QTMAN: variants seen among roughly 807,000 people sequenced by gnomAD.
The protein encoded by QTMAN is queuosine-tRNA mannosyltransferase, also known as tRNA-queuosine alpha-mannosyltransferase.
the QTMAN span, among the ~76,000 whole-genome samples, chr2:144,328,598 C>A: frequency 6.6e-6 from 1 of 152,236 alleles, no homozygotes; most frequent in South Asian, 2.1e-4. Flanking sequence ...TGACAGAGGT[C>A]TTAAAATATC....
the QTMAN span, among the ~76,000 whole-genome samples, chr2:144,103,265 G>A: frequency 6.6e-6 from 1 of 152,202 alleles, no homozygotes; most frequent in Admixed American, 6.5e-5. Context: ...GGAGACGTGG[G>A]GAATACAATG....
chr2:144,006,504 G>A, the QTMAN span: 1 of 152,076 alleles, frequency 6.6e-6, no homozygotes, highest in Non-Finnish European at 1.5e-5. Context: ...ATAAAAACTA[G>A]ATTAAAATGT....
the QTMAN span, among the ~76,000 whole-genome samples, chr2:144,277,747 G>C: frequency 1.3e-5 from 2 of 151,846 alleles, no homozygotes; most frequent in Non-Finnish European, 2.9e-5. Context: ...TCTATTTTAA[G>C]ATAAGATTTT....
the QTMAN span, among the ~76,000 whole-genome samples, chr2:144,331,132 T>A: frequency 1.3e-5 from 2 of 152,212 alleles, no homozygotes; most frequent in African/African-American, 4.8e-5. Flanking sequence ...TAAAACTGTT[T>A]CATTAAATAC....
the QTMAN span, chr2:143,941,072 G>A: frequency 6.6e-6 from 1 of 152,202 alleles, no homozygotes; most frequent in Non-Finnish European, 1.5e-5. Flanking sequence ...CCTTCTTGAA[G>A]AGGTGGTCTT....
At chr2:144,232,332 A>G in the QTMAN span, among the ~76,000 whole-genome samples, 1 of 152,202 alleles carries the variant, frequency 6.6e-6, no homozygotes, top group East Asian at 1.9e-4. Context: ...TAATAATTTT[A>G]AAGTGTTTTC....
the QTMAN span, among the ~76,000 whole-genome samples, chr2:144,277,971 T>C: frequency 1.3e-5 from 2 of 151,998 alleles, no homozygotes; most frequent in African/African-American, 2.4e-5. Context: ...GAAGCACTCC[T>C]AGGAAGCCAA....
chr2:144,140,634 G>A, the QTMAN span, among the ~76,000 whole-genome samples: 1 of 152,058 alleles, frequency 6.6e-6, no homozygotes, highest in African/African-American at 2.4e-5. Flanking sequence ...GCTCCACTTA[G>A]CTTTATAGTT....
At chr2:144,077,883 C>G in the QTMAN span, among the ~76,000 whole-genome samples, 3 of 152,066 alleles carry the variant, frequency 2.0e-5, no homozygotes, top group African/African-American at 7.2e-5. Flanking sequence ...TTTCTTTGAT[C>G]GTCTGCAATA....
the QTMAN span, among the ~76,000 whole-genome samples, chr2:144,174,624 C>G: frequency 6.6e-6 from 1 of 152,004 alleles, no homozygotes; most frequent in Admixed American, 6.6e-5. Flanking sequence ...TGGGAGGGAC[C>G]CAGTGGGAGG....
chr2:144,131,529 C>G, the QTMAN span, among the ~76,000 whole-genome samples: 2 of 151,948 alleles, frequency 1.3e-5, no homozygotes, highest in Non-Finnish European at 2.9e-5. Flanking sequence ...TGTAGTGTAA[C>G]AGTGGCTACC....
chr2:144,055,655 G>A, the QTMAN span, among the ~76,000 whole-genome samples: 1 of 152,264 alleles, frequency 6.6e-6, no homozygotes, highest in Non-Finnish European at 1.5e-5. Context: ...TTTAGCTAGA[G>A]GGGGCAGGAG....
At chr2:144,194,695 G>A in the QTMAN span, among the ~76,000 whole-genome samples, 1 of 152,184 alleles carries the variant, frequency 6.6e-6, no homozygotes, top group Non-Finnish European at 1.5e-5. Context: ...TTCTTGGTTA[G>A]ATGTGCTTAT....
the QTMAN span, among the ~76,000 whole-genome samples, chr2:144,304,917 A>G: frequency 6.6e-6 from 1 of 152,318 alleles, no homozygotes; most frequent in African/African-American, 2.4e-5. Flanking sequence ...CTGTTGGAAA[A>G]TTTCTATTCA....
chr2:144,028,575 C>A, the QTMAN span, among the ~76,000 whole-genome samples: 1 of 152,122 alleles, frequency 6.6e-6, no homozygotes, highest in Non-Finnish European at 1.5e-5. Flanking sequence ...TCATTCCTGG[C>A]CTCCTGGAGC....
At chr2:144,108,254 G>T in the QTMAN span, among the ~76,000 whole-genome samples, 38 of 152,162 alleles carry the variant, frequency 2.5e-4, no homozygotes, top group Admixed American at 2.0e-3. Flanking sequence ...GTTCTGGCCA[G>T]GGCAATCAGG....
chr2:144,206,005 T>C, the QTMAN span, among the ~76,000 whole-genome samples: 1 of 152,226 alleles, frequency 6.6e-6, no homozygotes, highest in Admixed American at 6.5e-5. Context: ...CTAACATGAA[T>C]CATGATATAT....
At chr2:143,998,477 T>C in the QTMAN span, among the ~76,000 whole-genome samples, 1 of 151,670 alleles carries the variant, frequency 6.6e-6, no homozygotes, top group East Asian at 1.9e-4. Flanking sequence ...ACTGCTGTGC[T>C]ACCTTGGAAT....
chr2:144,131,014 T>C, the QTMAN span, among the ~76,000 whole-genome samples: 5 of 151,944 alleles, frequency 3.3e-5, no homozygotes, highest in Admixed American at 6.6e-5. Context: ...TTACAAATTT[T>C]GCACTCAGTT....
Sources: allele counts gnomAD v4.1 joint callset (sites outside exome capture counted in the v4.1 genomes callset), GRCh38; gene constraint gnomAD v4.1.1; transcripts MANE v1.5; gene names NCBI Gene and HGNC (gene_info 2026-07-23, HGNC 2026-07-21).